The following CFAP73 variants were observed in gnomAD, a reference collection of about 807,000 sequenced individuals.
The protein encoded by CFAP73 is cilia- and flagella-associated protein 73.
In CFAP73, 33 loss-of-function variants were observed where a neutral mutation model predicts 42.9. The ratio of observed to expected loss-of-function variants is 0.77; its 90% CI spans 0.58 to 1.03. The LOEUF (loss-of-function observed/expected upper bound fraction) is 1.03. Among genes scored for constraint, CFAP73 ranks in the 50% least tolerant of loss-of-function variants. CFAP73 has a pLI of 0.00. For synonymous variants in CFAP73, 162 were observed against 186.8 expected, an observed-to-expected ratio of 0.87 and a Z score of 1.08; for missense variants, 392 against 411.9, an observed-to-expected ratio of 0.95 and a Z score of 0.42.
chr12:113,154,877 G>A lies in CFAP73; in HGVS notation c.690+242G>A, dbSNP rs1414608943. 1.3e-5 allele frequency among the ~76,000 whole-genome samples: 2 copies of A among 152,092 alleles called. No individual in the cohort carries two copies. The highest frequency in any genetic ancestry group is 2.9e-5 in the Non-Finnish European group (2 of 67,984). On this transcript the variant is annotated intron_variant, in intron 5 of 7. Transcript: ENST00000335621. This position sits in a 1 kb window ranked among gnomAD's most constrained non-coding sequence, Gnocchi z 4.7. ...CCTGACTGCCTGACTGGCAGAGGTG[G>A]ATGGGAAGAATGCCGGGCGCGGTGG...
intron 1 of CFAP73, among the ~76,000 whole-genome samples, chr12:113,150,204 C>G (rs1952049789): frequency 6.6e-6 from 1 of 152,174 alleles, no homozygotes; most frequent in Non-Finnish European, 1.5e-5. Context: ...CAATCCACCC[C>G]CAAAACTGCA....
At chr12:113,152,073 A>G in intron 2 of CFAP73, 50 bp downstream of exon 2, 1 of 1,324,108 alleles carries the variant, frequency 7.6e-7, no homozygotes. Flanking sequence ...ATGGGAAGTG[A>G]TGGAGCCAAT....
chr12:113,152,916 G>A (rs1411230457), intron 3 of CFAP73, 29 bp downstream of exon 3: 9 of 1,449,032 alleles, frequency 6.2e-6, no homozygotes, highest in East Asian at 2.5e-5. Flanking sequence ...GGGGGAGGCG[G>A]GGCCTATGGG....
Position 113,159,026 on chromosome 12 carries a change from G to A in CFAP73, c.*337G>A, listed in dbSNP as rs779023545. 14 of 1,611,250 alleles carry A rather than the reference G, an allele frequency of 8.7e-6. No homozygotes were observed. Among genetic ancestry groups the A allele is most frequent in the African/African-American group, 2.7e-5 (2 of 74,932 alleles). On this transcript the variant is annotated 3_prime_UTR_variant, in exon 8 of 8. Coordinates refer to ENST00000335621, the MANE Select transcript of CFAP73 (RefSeq NM_001144872.3). ...AAGTGCAGCTTCTGGGCCCGGCGCC[G>A]CTGCTTCAGGATCTGCTGCTTGGTC...
At chr12:113,157,124 T>A (rs1347630519) in intron 6 of CFAP73, 1 of 154,834 alleles carries the variant, frequency 6.5e-6, no homozygotes, top group Non-Finnish European at 1.4e-5. Flanking sequence ...GATACGGTGA[T>A]GAATATGAGG....
intron 1 of CFAP73, among the ~76,000 whole-genome samples, chr12:113,150,574 T>C (rs1952053071): frequency 6.6e-6 from 1 of 151,932 alleles, no homozygotes. Flanking sequence ...CCCCACTCCA[T>C]CAGTTCTGCT....
rs528741840 is a variant in CFAP73, at chr12:113,158,814, G to T, written c.*125G>T. The T allele has an allele frequency of 1.5e-4, 219 of 1,503,948 alleles. No individual in the cohort carries two copies. The African/African-American group carries it at 2.3e-3, about 16-fold the overall frequency. 93.2% of individuals were successfully genotyped at this position (1,503,948 alleles called of 1,614,324 possible). The stretch of plus-strand genomic sequence containing the variant: ...CAGGGCCAGGCACACAGTGGTGCAC[G>T]GGAACGTCTGCTGATGCCCACCCTA... On this transcript the variant is annotated 3_prime_UTR_variant, in exon 8 of 8. Transcript: ENST00000335621. This position sits in a 1 kb window ranked among gnomAD's most constrained non-coding sequence, Gnocchi z 4.9.
At chr12:113,150,398 C>T (rs959560663) in intron 1 of CFAP73, among the ~76,000 whole-genome samples, 1 of 152,104 alleles carries the variant, frequency 6.6e-6, no homozygotes, top group African/African-American at 2.4e-5. Context: ...TCTCCCGGGG[C>T]GCTGGACTCC....
chr12:113,151,962 G>A lies in CFAP73; in HGVS notation c.101G>A (p.Arg34His), dbSNP rs1000052514. 27 of 1,551,486 alleles carry A rather than the reference G, an allele frequency of 1.7e-5. No individual in the cohort carries two copies. The highest frequency in any genetic ancestry group is 9.8e-5 in the East Asian group (4 of 40,928). ...QAEDHVPPVL[R>H]LLEKRQELVD... ...GAGGATCATGTCCCACCAGTACTGC[G>A]TCTCCTGGAGAAGAGGCAAGAGCTG... The change falls in exon 2 of 8, where the codon CGT becomes CAT. Residue 34 changes from arginine (R) to histidine (H), a missense_variant. Transcript: ENST00000335621.
chr12:113,152,944 A>C, intron 3 of CFAP73, 57 bp downstream of exon 3: 1 of 1,199,968 alleles, frequency 8.3e-7, no homozygotes, highest in Non-Finnish European at 1.2e-6. Flanking sequence ...CCACACTCCT[A>C]TAGGGGCCCG....
intron 6 of CFAP73, 128 bp downstream of exon 6, chr12:113,155,546 C>A: frequency 2.9e-6 from 3 of 1,050,498 alleles, no homozygotes; most frequent in Non-Finnish European, 2.6e-6. Context: ...AGAGCCCTTG[C>A]CCCAGCCGTG....
At position 113,157,592 on chromosome 12, in the gene CFAP73, G is replaced by GC. The variant is rs769885042; in HGVS notation, c.850-3dup. ...GGGCTGGGATGTGACTTCGTGCTGG[G>GC]CCCCCCCAGGTGAAGCTGTTCATGC... On this transcript the variant is annotated splice_polypyrimidine_tract_variant and intron_variant, in intron 6 of 7. Transcript: ENST00000335621. The GC allele has an allele frequency of 1.1e-5, 17 of 1,550,930 alleles. No homozygotes were observed. Among genetic ancestry groups the GC allele is most frequent in the African/African-American group, 2.7e-5 (2 of 73,156 alleles).
At chr12:113,150,036 C>T in intron 1 of CFAP73, 123 bp downstream of exon 1, 1 of 892,554 alleles carries the variant, frequency 1.1e-6, no homozygotes, top group Non-Finnish European at 1.8e-6. Flanking sequence ...GTTATTGTCC[C>T]CACTTCACAG....
At chr12:113,151,753 C>G (rs1448035520) in intron 1 of CFAP73, among the ~76,000 whole-genome samples, 165 bp from the exon 2 acceptor site, 1 of 150,798 alleles carries the variant, frequency 6.6e-6, no homozygotes, top group African/African-American at 2.5e-5. Context: ...GACCACTGCA[C>G]TCCAGCCTGG....
At chr12:113,157,535 T>G in intron 6 of CFAP73, 67 bp from the exon 7 acceptor site, 11 of 1,317,636 alleles carry the variant, frequency 8.3e-6, no homozygotes, top group South Asian at 1.3e-5. Context: ...CTCCCCCGCG[T>G]GTTGAGGGGT....
chr12:113,153,053 A>AT (rs1952079891), intron 3 of CFAP73, 155 bp from the exon 4 acceptor site: 6 of 878,636 alleles, frequency 6.8e-6, no homozygotes, highest in Non-Finnish European at 3.3e-6. Context: ...AAAAAAAAAA[A>AT]GCGGGCGGGG....
chr12:113,153,272 G>A lies in CFAP73; in HGVS notation c.332G>A (p.Arg111His), dbSNP rs1253743109. ...RAAEERHQAG[R>H]REVEALRLWT... ...GCGGAGGAGAGGCACCAGGCGGGCC[G>A]TCGGGAGGTGGAGGCGCTGCGTCTG... Residue 111 changes from arginine (R) to histidine (H), a missense_variant, in exon 4 of 8, where the codon CGT becomes CAT. Arg to His is a conservative substitution (Grantham distance 29). Coordinates refer to ENST00000335621, the MANE Select transcript of CFAP73 (RefSeq NM_001144872.3). The A allele has an allele frequency of 1.3e-6, 2 of 1,518,804 alleles. No homozygotes were observed. The highest frequency in any genetic ancestry group is 1.2e-5 in the South Asian group (1 of 82,284). The allele number at this position is 1,518,804 out of a possible 1,614,324, so 94.1% of individuals were successfully genotyped here.
chr12:113,157,149 G>A (rs2136308766), intron 6 of CFAP73: 1 of 157,246 alleles, frequency 6.4e-6, no homozygotes, highest in Middle Eastern at 3.3e-3. Flanking sequence ...GCCCACAGAT[G>A]GTTGTAAGTT....
intron 1 of CFAP73, among the ~76,000 whole-genome samples, chr12:113,150,919 T>C (rs1952056298): frequency 6.6e-6 from 1 of 152,186 alleles, no homozygotes; most frequent in Non-Finnish European, 1.5e-5. Context: ...TTGCTCCCTC[T>C]TCTCCTCCAG....
Sources: gnomAD v4.1 joint callset for allele counts (sites outside exome capture counted in the v4.1 genomes callset) on GRCh38, gnomAD v4.1.1 for gene constraint, Gnocchi (gnomAD v3.1) non-coding constraint, MANE v1.5 for transcripts, NCBI Gene and HGNC (gene_info 2026-07-23, HGNC 2026-07-21) for gene names.